Variants in TRAK1 observed in about 807,000 individuals in gnomAD.
TRAK1 encodes trafficking kinesin-binding protein 1.
In TRAK1, 33 loss-of-function variants were observed where a neutral mutation model predicts 92.1. The ratio of observed to expected loss-of-function variants is 0.36; its 90% confidence interval spans 0.27 to 0.48. TRAK1 has a LOEUF of 0.48. Among genes scored for constraint, TRAK1 ranks in the 20% least tolerant of loss-of-function variants. The probability of loss-of-function intolerance (pLI) is 0.99; values close to 1 mark genes in which losing one functional copy is unlikely to be tolerated. For synonymous variants in TRAK1, 521 were observed against 517.3 expected, an observed-to-expected ratio of 1.01 and a Z score of -0.10; for missense variants, 1,123 against 1,257.9, an observed-to-expected ratio of 0.89 and a Z score of 1.62.
intron 1 of TRAK1, among the ~76,000 whole-genome samples, chr3:42,052,857 C>T (rs778276435): frequency 3.5e-4 from 53 of 152,192 alleles, no homozygotes; most frequent in Admixed American, 1.0e-3. Flanking sequence ...ATGTCAGTGG[C>T]TATCAGAGGT....
chr3:42,070,241 T>C (rs879308867), intron 1 of TRAK1, among the ~76,000 whole-genome samples: 13 of 145,310 alleles, frequency 8.9e-5, no homozygotes, highest in Non-Finnish European at 1.8e-4. Context: ...TAATTATGAA[T>C]AATAATAATT....
upstream of TRAK1, among the ~76,000 whole-genome samples, chr3:42,090,090 C>A (rs1704926974): frequency 6.6e-6 from 1 of 152,116 alleles, no homozygotes; most frequent in Admixed American, 6.5e-5. Context: ...GTTGGGGAGA[C>A]AGATGAGTGA....
In TRAK1 at chr3:42,194,903, A is replaced by G; in HGVS notation, c.1075A>G (p.Thr359Ala). 1 of 1,613,806 alleles carries G rather than the reference A, an allele frequency of 6.2e-7. No homozygotes were observed. The change falls in exon 10 of 16, where the codon ACG becomes GCG. Residue 359 changes from threonine (T) to alanine (A), a missense_variant. By Grantham distance (58) the Thr-to-Ala change is moderately conservative (BLOSUM62 0). Coordinates refer to ENST00000327628, the MANE Select transcript of TRAK1 (RefSeq NM_001042646.3). ...CCGGAACAAAACCATGCCCAATACCACGTCTCGGCGCTACCACTCACTGGG... is the reference window on the plus strand; with the variant it reads ...CCGGAACAAAACCATGCCCAATACCGCGTCTCGGCGCTACCACTCACTGGG... ...NLRNKTMPNT[T>A]SRRYHSLGLF...
chr3:42,159,274 G>T (rs949193342), intron 2 of TRAK1, among the ~76,000 whole-genome samples: 1 of 152,126 alleles, frequency 6.6e-6, no homozygotes, highest in East Asian at 1.9e-4. Flanking sequence ...CAGCCTGTTC[G>T]GGAGGTTGGA....
chr3:42,139,157 CT>C (rs1447514800), intron 2 of TRAK1, among the ~76,000 whole-genome samples: 2 of 152,076 alleles, frequency 1.3e-5, no homozygotes, highest in South Asian at 2.1e-4. Flanking sequence ...TCAAGAATTT[CT>C]TTTGTGTAAA....
At position 42,179,300 on chromosome 3, in the gene TRAK1, G is replaced by A. The variant is rs868690397; in HGVS notation, c.363+2410G>A. Among the ~76,000 whole-genome samples the A allele has an allele frequency of 5.3e-5, 8 of 152,306 alleles. No individual in the cohort carries two copies. The East Asian group carries it at 1.4e-3, about 26-fold the overall frequency. On this transcript the variant is annotated intron_variant, in intron 3 of 15. Coordinates refer to ENST00000327628, the MANE Select transcript of TRAK1 (RefSeq NM_001042646.3). ...CAGTCATGTGGCTGTTGCACTGTGC[G>A]GTGGTTTTCCTGGGCTTTGGCTCTG...
In TRAK1 at chr3:42,141,095, A is replaced by G. The variant is rs562238191; in HGVS notation, c.286+15481A>G. ...ACTCGGGCAAACTCATAACTGCATC[A>G]TTTATATACTTTATTGCTCAATTGT... is the stretch of plus-strand genomic sequence containing the variant. On this transcript the variant is annotated intron_variant, in intron 2 of 15. Coordinates refer to ENST00000327628, the MANE Select transcript of TRAK1 (RefSeq NM_001042646.3). Among the ~76,000 whole-genome samples, 43 of 152,356 alleles carry G rather than the reference A, an allele frequency of 2.8e-4. No homozygotes were observed. In the South Asian group the frequency reaches 6.6e-3, roughly 23 times the overall value.
At chr3:42,117,095 G>A (rs1709260424) in intron 1 of TRAK1, among the ~76,000 whole-genome samples, 1 of 152,210 alleles carries the variant, frequency 6.6e-6, no homozygotes, top group Non-Finnish European at 1.5e-5. Context: ...TCACCGGGAA[G>A]TGCTGTGAGT....
rs760578235 is a variant in TRAK1, at chr3:42,217,667, T to C, written c.1964-1827T>C. ...CTTCCCTTGTTTGATTTCTTTTAAA[T>C]GTTATCTCTCTTTCAACTGTGTTGT... On this transcript the variant is annotated intron_variant, in intron 14 of 15. Transcript: ENST00000327628. 88 of 985,322 alleles carry C rather than the reference T, an allele frequency of 8.9e-5. 1 individual carries two copies. The highest frequency in any genetic ancestry group is 5.2e-4 in the Middle Eastern group (1 of 1,936). The allele number at this position is 985,322 out of a possible 1,614,324, so 61.0% of individuals were successfully genotyped here. A position where few individuals can be genotyped will look rare whatever the true frequency, so the allele number is the denominator to read the frequency against.
intron 2 of TRAK1, chr3:42,146,286 C>T: frequency 6.6e-6 from 2 of 303,424 alleles, no homozygotes; most frequent in Non-Finnish European, 6.7e-6. Context: ...ACTTGTCTTG[C>T]CATTCTTCCA....
At chr3:42,076,105 A>G (rs1559740050) in intron 1 of TRAK1, among the ~76,000 whole-genome samples, 3 of 151,648 alleles carry the variant, frequency 2.0e-5, no homozygotes, top group East Asian at 1.9e-4. Context: ...CAGCCTCCCA[A>G]AGTGCTGGGA....
intron 13 of TRAK1, chr3:42,203,295 C>T (rs1378036254): frequency 4.0e-6 from 4 of 995,848 alleles, no homozygotes; most frequent in Admixed American, 6.1e-5. Flanking sequence ...TTGGCAGATG[C>T]AGTATGTTCT....
intron 1 of TRAK1, among the ~76,000 whole-genome samples, chr3:42,027,505 A>G (rs1291581143): frequency 6.6e-6 from 1 of 152,046 alleles, no homozygotes; most frequent in Non-Finnish European, 1.5e-5. Context: ...CCTGGGAGAC[A>G]GAGCAAGACT....
chr3:42,202,687 C>T lies in TRAK1; in HGVS notation c.1679C>T (p.Ser560Phe). The T allele has an allele frequency of 5.6e-6, 9 of 1,613,706 alleles. No individual in the cohort carries two copies. The highest frequency in any genetic ancestry group is 1.3e-5 in the African/African-American group (1 of 75,076). ...CGCTTCTCCGAGTTCACCGGCTTCT[C>T]TGGCATGTCCTTCAGCAGCCGCTCC... The part of the protein sequence containing the change: ...HSRFSEFTGF[S>F]GMSFSSRSYL... Residue 560 changes from serine to phenylalanine, a missense_variant, in exon 13 of 16, where the codon TCT becomes TTT. This residue lies in a region of TRAK1 where 686 missense variants were observed against 747.6 expected (regional missense o/e 0.92). Coordinates refer to ENST00000327628, the MANE Select transcript of TRAK1 (RefSeq NM_001042646.3). The surrounding 1 kb of genome is among the most constrained non-coding windows in gnomAD (Gnocchi z 6.1).
At chr3:42,206,997 A>C in intron 13 of TRAK1, among the ~76,000 whole-genome samples, 1 of 152,150 alleles carries the variant, frequency 6.6e-6, no homozygotes, top group Non-Finnish European at 1.5e-5. Context: ...TTCCCAGTGA[A>C]TTGTAAACAT....
chr3:42,049,081 G>A (rs113023379), intron 1 of TRAK1, among the ~76,000 whole-genome samples: 1,699 of 152,168 alleles, frequency 0.011, 33 homozygotes, highest in African/African-American at 0.039. Context: ...TAGAAACGGA[G>A]TTTCACCATG....
intron 3 of TRAK1, among the ~76,000 whole-genome samples, chr3:42,178,450 G>A (rs1017815251): frequency 6.6e-6 from 1 of 152,070 alleles, no homozygotes; most frequent in Non-Finnish European, 1.5e-5. Flanking sequence ...TAACTGCGTT[G>A]GTTCTTTCCT....
intron 2 of TRAK1, among the ~76,000 whole-genome samples, chr3:42,165,190 C>T (rs1363123513): frequency 6.6e-6 from 1 of 152,084 alleles, no homozygotes; most frequent in East Asian, 1.9e-4. Context: ...TTAGGTTCCC[C>T]GAGAACACGG....
intron 1 of TRAK1, among the ~76,000 whole-genome samples, chr3:42,059,175 G>A (rs1369385420): frequency 1.3e-5 from 2 of 151,646 alleles, no homozygotes; most frequent in Non-Finnish European, 2.9e-5. Flanking sequence ...GCTTGCCGTA[G>A]CCTCAACCTC....
Sources: gnomAD v4.1 joint callset for allele counts (sites outside exome capture counted in the v4.1 genomes callset) on GRCh38, gnomAD v4.1.1 for gene constraint, gnomAD v4.1.1 regional missense constraint, Gnocchi (gnomAD v3.1) non-coding constraint, MANE v1.5 for transcripts, NCBI Gene and HGNC (gene_info 2026-07-23, HGNC 2026-07-21) for gene names.